Variants in SLC38A7 observed in about 807,000 individuals in gnomAD.
SLC38A7 encodes sodium-coupled neutral amino acid transporter 7.
In SLC38A7, 29 loss-of-function variants were observed where a neutral mutation model predicts 50.1. The ratio of observed to expected loss-of-function variants is 0.58; its 90% CI spans 0.43 to 0.79. The LOEUF (loss-of-function observed/expected upper bound fraction) is 0.79. Ranked by LOEUF, SLC38A7 falls within the 30% of genes least tolerant of loss-of-function variation. SLC38A7 has a pLI of 0.00. For synonymous variants in SLC38A7, 244 were observed against 245.9 expected (o/e 0.99, Z 0.07); for missense variants, 483 against 610.6 (o/e 0.79, Z 2.20).
chr16:58,677,957 A>G (rs1481431033), intron 5 of SLC38A7, among the ~76,000 whole-genome samples: 3 of 151,258 alleles, frequency 2.0e-5, no homozygotes, highest in African/African-American at 7.3e-5. Flanking sequence ...TCCTTCCTTC[A>G]TGCCAAGCTG....
intron 2 of SLC38A7, among the ~76,000 whole-genome samples, chr16:58,683,454 A>G (rs1420013084): frequency 2.6e-5 from 4 of 152,218 alleles, no homozygotes; most frequent in Non-Finnish European, 5.9e-5. Flanking sequence ...GCACCAGAGG[A>G]AACATTCCTC....
At chr16:58,668,477 C>T (rs1161726396) in intron 11 of SLC38A7, among the ~76,000 whole-genome samples, 1 of 152,108 alleles carries the variant, frequency 6.6e-6, no homozygotes, top group East Asian at 2.0e-4. Flanking sequence ...CTGGAGGTTG[C>T]AGTGAGCCGA....
intron 2 of SLC38A7, among the ~76,000 whole-genome samples, chr16:58,683,246 TAAC>T (rs1452628840): frequency 1.3e-5 from 2 of 152,198 alleles, no homozygotes; most frequent in Admixed American, 6.5e-5. Context: ...ATGACTGCCC[TAAC>T]CATTGGGCCA....
At chr16:58,671,391 C>G (rs1456244225) in intron 9 of SLC38A7, 147 bp from the exon 10 acceptor site, 1 of 733,460 alleles carries the variant, frequency 1.4e-6, no homozygotes, top group East Asian at 2.7e-5. Flanking sequence ...AATGGGCCAC[C>G]AGCACTCTGT....
rs78231202 is a variant in SLC38A7 at position 58,681,197 on chromosome 16, T to C, written c.-115-956A>G. The stretch of plus-strand genomic sequence containing the variant: ...AAAGGTAGACATGACAGTCACCATT[T>C]TACCAAAGAGGAAGCTGAATCCCAG... On this transcript the variant is annotated intron_variant, in intron 2 of 11. Transcript: ENST00000219320. Among the ~76,000 whole-genome samples the C allele has an allele frequency of 2.7e-3, 404 of 152,314 alleles. 3 individuals are homozygous for C. The highest frequency in any genetic ancestry group is 4.6e-3 in the Non-Finnish European group (310 of 68,028).
At chr16:58,673,548 A>G (rs2044198621) in intron 8 of SLC38A7, among the ~76,000 whole-genome samples, 2 of 151,044 alleles carry the variant, frequency 1.3e-5, no homozygotes, top group African/African-American at 4.9e-5. Context: ...TATTTTTAGT[A>G]AGATGGGGTT....
rs1441693673 is a variant in SLC38A7 at position 58,672,377 on chromosome 16, G to C, written c.884-134C>G. 7.3e-6 allele frequency: 7 copies of C among 953,414 alleles called. No homozygotes were observed. The South Asian group carries it at 1.3e-4, about 17-fold the overall frequency. The allele number at this position is 953,414 out of a possible 1,614,324, so 59.1% of individuals were successfully genotyped here. A position where few individuals can be genotyped will look rare whatever the true frequency, so the allele number is the denominator to read the frequency against. ...ACACTTAGACGGAGGCTCAGAGTGGGAGATGGGGCTCCGATCAGATGCCTC... is the reference window on the plus strand; with the variant it reads ...ACACTTAGACGGAGGCTCAGAGTGGCAGATGGGGCTCCGATCAGATGCCTC... On this transcript the variant is annotated intron_variant, in intron 8 of 11. Transcript: ENST00000219320.
intron 8 of SLC38A7, among the ~76,000 whole-genome samples, chr16:58,672,740 C>T (rs1338535172): frequency 1.3e-5 from 2 of 152,000 alleles, no homozygotes; most frequent in Non-Finnish European, 2.9e-5. Flanking sequence ...TTGACCTCCT[C>T]GGCTCAAGCG....
chr16:58,676,844 C>A (rs547153116), intron 6 of SLC38A7, among the ~76,000 whole-genome samples: 2 of 151,940 alleles, frequency 1.3e-5, no homozygotes, highest in African/African-American at 4.8e-5. Context: ...TAAGTAGAGA[C>A]GGGGTTTCAC....
In SLC38A7 at chr16:58,678,379, G is replaced by A. The variant is rs34881036; in HGVS notation, c.565C>T (p.Leu189=). ...ATCTCCCTGGGGATGGAGAGGGGCAGGATGAAGAGGAAGGCAGTGAGGCTG... is the reference window on the plus strand; with the variant it reads ...ATCTCCCTGGGGATGGAGAGGGGCAAGATGAAGAGGAAGGCAGTGAGGCTG... ...TISLTAFLFI[L]PLSIPREIGF... Residue 189 remains leucine (L), a synonymous_variant, in exon 5 of 12, where the codon CTG becomes TTG. Transcript: ENST00000219320. This position sits in a 1 kb window ranked among gnomAD's most constrained non-coding sequence, Gnocchi z 4.0. 2.1e-4 allele frequency: 331 copies of A among 1,599,938 alleles called. No individual in the cohort carries two copies. In the African/African-American group the frequency reaches 3.9e-3, roughly 19 times the overall value.
At chr16:58,682,919 C>T (rs937316347) in intron 2 of SLC38A7, among the ~76,000 whole-genome samples, 13 of 151,826 alleles carry the variant, frequency 8.6e-5, no homozygotes, top group Admixed American at 8.5e-4. Context: ...AGCCACCACG[C>T]CTGGCCAACT....
At chr16:58,675,841 T>G (rs1264114998) in intron 8 of SLC38A7, 99 bp downstream of exon 8, 12 of 896,022 alleles carry the variant, frequency 1.3e-5, no homozygotes, top group Middle Eastern at 5.2e-4. Flanking sequence ...ATGCTGGGAA[T>G]GCAGGGCTGT....
intron 9 of SLC38A7, chr16:58,671,773 T>A: frequency 4.2e-6 from 1 of 235,330 alleles, no homozygotes; most frequent in Non-Finnish European, 8.3e-6. Context: ...TCTCACTAGG[T>A]TGCCCAGGTG....
intron 8 of SLC38A7, among the ~76,000 whole-genome samples, chr16:58,672,446 C>G (rs1167596631): frequency 6.6e-6 from 1 of 152,166 alleles, no homozygotes; most frequent in East Asian, 1.9e-4. Flanking sequence ...AGCCCTCCAG[C>G]CCCCAGCTTT....
chr16:58,676,383 C>T, intron 6 of SLC38A7, 37 bp from the exon 7 acceptor site: 1 of 1,612,916 alleles, frequency 6.2e-7, no homozygotes, highest in Non-Finnish European at 8.5e-7. Context: ...CACCTGGGAA[C>T]CCCTCAGAGC....
rs1206753674 is a variant in SLC38A7, at chr16:58,678,255, A to T, written c.611+78T>A. Reference sequence around the variant, plus strand: ...CCAAGGTGAGGTGGCATGGAGGAGCAGGGTTCCCCAGGAGCCCTTGGGTCT... The same window carrying T: ...CCAAGGTGAGGTGGCATGGAGGAGCTGGGTTCCCCAGGAGCCCTTGGGTCT... On this transcript the variant is annotated intron_variant, in intron 5 of 11. Coordinates refer to ENST00000219320, the MANE Select transcript of SLC38A7 (RefSeq NM_018231.3). The surrounding 1 kb of genome is among the most constrained non-coding windows in gnomAD (Gnocchi z 4.0). 2 of 1,432,818 alleles carry T rather than the reference A, an allele frequency of 1.4e-6. No homozygotes were observed. Among genetic ancestry groups the T allele is most frequent in the Non-Finnish European group, 1.8e-6 (2 of 1,085,636 alleles). The allele number at this position is 1,432,818 out of a possible 1,614,324, so 88.8% of individuals were successfully genotyped here.
chr16:58,668,215 A>G (rs1261906888), intron 11 of SLC38A7, among the ~76,000 whole-genome samples: 1 of 151,888 alleles, frequency 6.6e-6, no homozygotes, highest in East Asian at 1.9e-4. Flanking sequence ...AGGCAGGTGG[A>G]TCACCTGAGG....
chr16:58,668,372 C>G (rs1026178999), intron 11 of SLC38A7, among the ~76,000 whole-genome samples: 1 of 152,064 alleles, frequency 6.6e-6, no homozygotes. Flanking sequence ...GTCAGGAGTT[C>G]GAGATCAGCC....
chr16:58,671,457 C>T, intron 9 of SLC38A7: 2 of 595,070 alleles, frequency 3.4e-6, no homozygotes, highest in Non-Finnish European at 6.0e-6. Flanking sequence ...TGCTTTACAT[C>T]ACATGGAAAC....
Sources: gnomAD v4.1 joint callset for allele counts (sites outside exome capture counted in the v4.1 genomes callset) on GRCh38, gnomAD v4.1.1 for gene constraint, Gnocchi (gnomAD v3.1) non-coding constraint, MANE v1.5 for transcripts, NCBI Gene and HGNC (gene_info 2026-07-23, HGNC 2026-07-21) for gene names.